Variants in DNAH7 observed in about 807,000 individuals in gnomAD.
DNAH7 encodes the protein dynein axonemal heavy chain 7, also known as axonemal beta dynein heavy chain 7.
DNAH7 carries 397 observed loss-of-function variants against 444.6 expected under a neutral mutation model. The observed-to-expected ratio is 0.89, with a 90% CI of 0.82 to 0.97. DNAH7 has a LOEUF of 0.97. Ranked by LOEUF, DNAH7 falls within the 50% of genes least tolerant of loss-of-function variation. DNAH7 has a pLI of 0.00. For missense variants in DNAH7, 4,902 were observed against 4,800.8 expected (o/e 1.02, Z -0.62); for synonymous variants, 1,636 against 1,624.4 (o/e 1.01, Z -0.17).
At chr2:195,932,732 T>C (rs555458645) in intron 21 of DNAH7, among the ~76,000 whole-genome samples, 103 of 152,312 alleles carry the variant, frequency 6.8e-4, no homozygotes, top group African/African-American at 2.5e-3. Context: ...TATTTATTTG[T>C]GTGTGTCGAA....
At chr2:195,828,853 C>T (rs1468110460) in intron 48 of DNAH7, among the ~76,000 whole-genome samples, 3 of 151,934 alleles carry the variant, frequency 2.0e-5, no homozygotes, top group African/African-American at 4.8e-5. Context: ...ATTTATAGTG[C>T]ATCAAAGCCT....
intron 19 of DNAH7, among the ~76,000 whole-genome samples, chr2:195,956,436 A>C (rs956682680): frequency 7.9e-5 from 12 of 152,202 alleles, no homozygotes; most frequent in African/African-American, 2.9e-4. Flanking sequence ...GGATCACTTG[A>C]GGTCAAGAGA....
chr2:195,980,097 G>A (rs1392807683), intron 15 of DNAH7, among the ~76,000 whole-genome samples: 1 of 149,888 alleles, frequency 6.7e-6, no homozygotes. Flanking sequence ...CTAGAGGAGG[G>A]GCGATATGGT....
chr2:195,762,550 A>C (rs1010931996), intron 61 of DNAH7, among the ~76,000 whole-genome samples: 6 of 152,208 alleles, frequency 3.9e-5, no homozygotes, highest in Non-Finnish European at 5.9e-5. Context: ...TTCCATGCCA[A>C]TACAAACCAT....
At chr2:195,752,013 G>A (rs1238363031) in intron 63 of DNAH7, among the ~76,000 whole-genome samples, 5 of 152,176 alleles carry the variant, frequency 3.3e-5, no homozygotes, top group Admixed American at 6.5e-5. Flanking sequence ...GCTCACGCCT[G>A]TAATCCCAGC....
intron 1 of DNAH7, chr2:196,063,620 C>T (rs16844446): frequency 0.044 from 6,708 of 152,378 alleles, 340 homozygotes; most frequent in African/African-American, 0.12. Context: ...GCAAGGTTCT[C>T]CTCTTTTTCC....
At chr2:196,028,378 A>G (rs912788567) in intron 5 of DNAH7, among the ~76,000 whole-genome samples, 1 of 152,156 alleles carries the variant, frequency 6.6e-6, no homozygotes, top group Non-Finnish European at 1.5e-5. Context: ...ATTATTCCTA[A>G]AATATGTATG....
intron 61 of DNAH7, among the ~76,000 whole-genome samples, chr2:195,760,399 C>G (rs1559077598): frequency 6.6e-6 from 1 of 152,186 alleles, no homozygotes; most frequent in Non-Finnish European, 1.5e-5. Flanking sequence ...CACCTGCTGA[C>G]TGTAGAGCCC....
At chr2:196,011,317 A>G (rs575788550) in intron 10 of DNAH7, among the ~76,000 whole-genome samples, 18 of 152,266 alleles carry the variant, frequency 1.2e-4, no homozygotes, top group South Asian at 6.2e-4. Context: ...TTAAAAATTG[A>G]TAAGACAGGC....
intron 47 of DNAH7, among the ~76,000 whole-genome samples, chr2:195,838,320 C>A (rs966837241): frequency 1.3e-5 from 2 of 152,038 alleles, no homozygotes; most frequent in Admixed American, 1.3e-4. Flanking sequence ...AATTACTCAA[C>A]ACACAAAGAA....
At chr2:195,844,970 A>G in intron 47 of DNAH7, 32 bp downstream of exon 47, 1 of 1,589,544 alleles carries the variant, frequency 6.3e-7, no homozygotes, top group Non-Finnish European at 8.6e-7. Context: ...TTATTTAATA[A>G]AGACCATTTG....
chr2:195,817,792 A>T lies in DNAH7; in HGVS notation c.9329T>A (p.Met3110Lys), dbSNP rs760284385. Residue 3110 changes from methionine to lysine, a missense_variant, in exon 50 of 65, where the codon ATG (methionine) becomes AAG (lysine). Coordinates refer to ENST00000312428, the MANE Select transcript of DNAH7 (RefSeq NM_018897.3). Reference sequence around the variant, plus strand: ...CACAATTCCCAGAAGCTGATCTTGCATTCCCTCAGGGGTTATCATGAAGTT... The same window carrying T: ...CACAATTCCCAGAAGCTGATCTTGCTTTCCCTCAGGGGTTATCATGAAGTT... ...LLNFMITPEG[M>K]QDQLLGIVVA... The T allele has an allele frequency of 1.2e-6, 2 of 1,612,444 alleles. No individual in the cohort carries two copies. The highest frequency in any genetic ancestry group is 1.7e-6 in the Non-Finnish European group (2 of 1,179,250).
At chr2:195,832,413 T>G (rs1698119559) in intron 48 of DNAH7, among the ~76,000 whole-genome samples, 1 of 152,076 alleles carries the variant, frequency 6.6e-6, no homozygotes, top group Non-Finnish European at 1.5e-5. Context: ...ACTTAATGTT[T>G]TGGGTTCTGT....
chr2:195,955,473 T>G (rs1690584235), intron 19 of DNAH7, among the ~76,000 whole-genome samples: 1 of 152,224 alleles, frequency 6.6e-6, no homozygotes, highest in Admixed American at 6.5e-5. Context: ...CCTCCAGCTT[T>G]GTTCTTTTGG....
intron 12 of DNAH7, among the ~76,000 whole-genome samples, chr2:195,993,169 G>A (rs1263441392): frequency 6.6e-6 from 1 of 152,084 alleles, no homozygotes; most frequent in Admixed American, 6.5e-5. Context: ...ATTTGACCTG[G>A]TTCTCCTTTC....
Position 195,884,334 on chromosome 2 carries a change from C to A in DNAH7, c.5763+251G>T, listed in dbSNP as rs1187183502. Among the ~76,000 whole-genome samples the A allele has an allele frequency of 3.3e-5, 5 of 152,336 alleles. No homozygotes were observed. The East Asian group carries it at 9.6e-4, about 29-fold the overall frequency. On this transcript the variant is annotated intron_variant, in intron 35 of 64. Transcript: ENST00000312428. ...CAACTGGTCCATTAGATATTATTAT[C>A]TCATAGTATCATTGGAAAGAACTAT...
rs1172746621 is a variant in DNAH7, at chr2:195,923,789, T to C, written c.3631A>G (p.Lys1211Glu). ...MGIKALEQYL[K>E]TCNRQIDDIV... ...TCATCAATTTGTCTGTTACATGTTT[T>C]CAAGTATTGCTCAAGAGCCTGAAAG... Residue 1211 changes from lysine to glutamate, a missense_variant, in exon 23 of 65, where the codon AAA becomes GAA. Transcript: ENST00000312428. 1 of 1,614,134 alleles carries C rather than the reference T, an allele frequency of 6.2e-7. No homozygotes were observed. The highest frequency in any genetic ancestry group is 1.7e-5 in the Admixed American group (1 of 60,024).
At chr2:195,741,183 A>G (rs1693007978) in intron 63 of DNAH7, 1 of 158,088 alleles carries the variant, frequency 6.3e-6, no homozygotes, top group Non-Finnish European at 1.4e-5. Flanking sequence ...TAATTGGTCA[A>G]TGATTATACT....
chr2:195,849,153 T>C (rs1285277778), intron 46 of DNAH7, among the ~76,000 whole-genome samples: 1 of 152,218 alleles, frequency 6.6e-6, no homozygotes, highest in Non-Finnish European at 1.5e-5. Flanking sequence ...TCACTATTTA[T>C]TGCGATGCTG....
Sources: gnomAD v4.1 joint callset for allele counts (sites outside exome capture counted in the v4.1 genomes callset) on GRCh38, gnomAD v4.1.1 for gene constraint, MANE v1.5 for transcripts, NCBI Gene and HGNC (gene_info 2026-07-23, HGNC 2026-07-21) for gene names.